Variants in RAD51B observed in about 807,000 individuals in gnomAD.
RAD51B encodes RAD51 paralog B.
Under a neutral mutation model 42.2 loss-of-function variants are expected in RAD51B, and 38 were observed. The ratio of observed to expected loss-of-function variants is 0.90; its 90% CI spans 0.70 to 1.18. The LOEUF is 1.18. Among genes scored for constraint, RAD51B ranks in the 50% most tolerant of loss-of-function variants. The pLI, the probability that RAD51B is intolerant of heterozygous loss-of-function variation, is 0.00. For missense variants in RAD51B, 373 were observed against 400.7 expected (o/e 0.93, Z 0.59); for synonymous variants, 154 against 145.2 (o/e 1.06, Z -0.43).
chr14:68,160,305 G>A (rs2140817712), intron 7 of RAD51B, among the ~76,000 whole-genome samples: 1 of 152,240 alleles, frequency 6.6e-6, no homozygotes, highest in Admixed American at 6.5e-5. Flanking sequence ...GAAAGGCCAG[G>A]TAATTTGCTC....
At chr14:68,377,467 T>G (rs534471090) in intron 8 of RAD51B, among the ~76,000 whole-genome samples, 1 of 152,346 alleles carries the variant, frequency 6.6e-6, no homozygotes, top group East Asian at 1.9e-4. Flanking sequence ...CTGCCAGTGT[T>G]TTCCACCCAG....
chr14:68,490,922 G>A (rs572729846), intron 10 of RAD51B, among the ~76,000 whole-genome samples: 45 of 152,234 alleles, frequency 3.0e-4, no homozygotes, highest in African/African-American at 1.0e-3. Flanking sequence ...TCCTCAGAGG[G>A]GCCTTACACT....
In RAD51B at chr14:68,559,691, G is replaced by T. The variant is rs138258865; in HGVS notation, c.1037-34794G>T. On this transcript the variant is annotated intron_variant, in intron 10 of 10. Transcript: ENST00000487270. ...ACTGCGCCCCCAGGAGCAATTCTGA[G>T]TAATGCCCTGATTTCATTAATCAAA... Among the ~76,000 whole-genome samples, 425 of 152,232 alleles carry T rather than the reference G, an allele frequency of 2.8e-3. 2 individuals are homozygous for T. The highest frequency in any genetic ancestry group is 9.9e-3 in the African/African-American group (411 of 41,538).
intron 10 of RAD51B, among the ~76,000 whole-genome samples, chr14:68,471,654 T>C (rs1177302476): frequency 1.3e-5 from 2 of 149,840 alleles, no homozygotes; most frequent in Admixed American, 6.7e-5. Context: ...TCCATGCTAT[T>C]GTTGTAGTAA....
chr14:68,291,055 G>A (rs922752497), intron 7 of RAD51B, among the ~76,000 whole-genome samples: 6 of 152,150 alleles, frequency 3.9e-5, no homozygotes, highest in African/African-American at 7.2e-5. Context: ...CGATTCGCCC[G>A]CCTCAGCCTC....
At chr14:68,508,113 A>G (rs1002142173) in intron 10 of RAD51B, among the ~76,000 whole-genome samples, 15 of 152,024 alleles carry the variant, frequency 9.9e-5, no homozygotes, top group African/African-American at 3.4e-4. Flanking sequence ...TGATGAGGGG[A>G]CCCAAAGATG....
intron 10 of RAD51B, among the ~76,000 whole-genome samples, chr14:68,474,968 C>A (rs1195127656): frequency 6.6e-6 from 1 of 152,114 alleles, no homozygotes; most frequent in African/African-American, 2.4e-5. Flanking sequence ...ATCGAAGAGC[C>A]CAGGCCATTG....
At chr14:68,171,979 T>A (rs1389661837) in intron 7 of RAD51B, among the ~76,000 whole-genome samples, 1 of 152,234 alleles carries the variant, frequency 6.6e-6, no homozygotes, top group Non-Finnish European at 1.5e-5. Flanking sequence ...AGTGCTGGGA[T>A]TACAGGTGTG....
At chr14:68,373,219 T>C (rs2083296017) in intron 8 of RAD51B, among the ~76,000 whole-genome samples, 1 of 152,234 alleles carries the variant, frequency 6.6e-6, no homozygotes, top group Non-Finnish European at 1.5e-5. Flanking sequence ...CACTGCTTAC[T>C]GATTACCCTG....
At chr14:67,989,358 C>T (rs938095262) in intron 7 of RAD51B, among the ~76,000 whole-genome samples, 14 of 151,940 alleles carry the variant, frequency 9.2e-5, no homozygotes, top group African/African-American at 2.4e-4. Context: ...AAAATGAGGC[C>T]GGGCGCAGTG....
intron 7 of RAD51B, among the ~76,000 whole-genome samples, chr14:68,056,855 G>C (rs1437012138): frequency 6.6e-6 from 1 of 151,960 alleles, no homozygotes; most frequent in Admixed American, 6.6e-5. Context: ...GAGGCGGGTG[G>C]ATCACCTGAG....
chr14:68,331,876 G>A (rs2082358588), intron 8 of RAD51B, among the ~76,000 whole-genome samples: 1 of 152,134 alleles, frequency 6.6e-6, no homozygotes, highest in Non-Finnish European at 1.5e-5. Flanking sequence ...TCTGCAAACT[G>A]GTTATTGAAA....
chr14:67,966,177 T>G (rs1285353174), intron 7 of RAD51B, among the ~76,000 whole-genome samples: 1 of 152,228 alleles, frequency 6.6e-6, no homozygotes, highest in Non-Finnish European at 1.5e-5. Context: ...CCTTATCTCA[T>G]GTTCCAAAGG....
At chr14:68,383,644 GA>G (rs58042755) in intron 8 of RAD51B, among the ~76,000 whole-genome samples, 8,151 of 141,762 alleles carry the variant, frequency 0.057, 714 homozygotes, top group African/African-American at 0.19. Context: ...AGCAGTGAAT[GA>G]AAAAAAAAAA....
chr14:68,443,357 C>T (rs544199621), intron 9 of RAD51B, among the ~76,000 whole-genome samples: 22 of 152,058 alleles, frequency 1.4e-4, no homozygotes, highest in African/African-American at 2.2e-4. Flanking sequence ...CACGAGTGGA[C>T]GAATAGGTCT....
chr14:68,450,089 C>T (rs540306955), intron 9 of RAD51B, among the ~76,000 whole-genome samples: 2 of 152,124 alleles, frequency 1.3e-5, no homozygotes, highest in East Asian at 3.9e-4. Context: ...CTAATTAGGC[C>T]AAGCCCAAGG....
intron 7 of RAD51B, among the ~76,000 whole-genome samples, chr14:68,012,478 A>G (rs2075701369): frequency 6.6e-6 from 1 of 152,024 alleles, no homozygotes; most frequent in Admixed American, 6.6e-5. Flanking sequence ...GAGAGCCCTC[A>G]AAGTCTAAAA....
chr14:67,973,685 C>T (rs1237335440), intron 7 of RAD51B, among the ~76,000 whole-genome samples: 1 of 152,036 alleles, frequency 6.6e-6, no homozygotes, highest in Non-Finnish European at 1.5e-5. Flanking sequence ...AGTAAATGCC[C>T]ACAAACATTT....
chr14:67,860,346 A>G (rs539992139), intron 4 of RAD51B, among the ~76,000 whole-genome samples: 1 of 152,352 alleles, frequency 6.6e-6, no homozygotes, highest in East Asian at 1.9e-4. Flanking sequence ...ATAAAGATGT[A>G]TCAGGGAAGA....
Sources: gnomAD v4.1 joint callset for allele counts (sites outside exome capture counted in the v4.1 genomes callset) on GRCh38, gnomAD v4.1.1 for gene constraint, MANE v1.5 for transcripts, NCBI Gene and HGNC (gene_info 2026-07-23, HGNC 2026-07-21) for gene names.